CELSR1: variants seen among roughly 807,000 people sequenced by gnomAD.
CELSR1 encodes the protein adhesion G protein-coupled receptor C1.
Under a neutral mutation model 249.1 loss-of-function variants are expected in CELSR1, and 110 were observed. The observed-to-expected ratio is 0.44, with a 90% CI of 0.38 to 0.52. The LOEUF is 0.52. Among genes scored for constraint, CELSR1 ranks in the 20% least tolerant of loss-of-function variants. The pLI, the probability that CELSR1 is intolerant of heterozygous loss-of-function variation, is 0.00. For missense variants in CELSR1, 4,109 were observed against 4,296.4 expected (o/e 0.96, Z 1.22); for synonymous variants, 2,113 against 1,900.0 (o/e 1.11, Z -2.92).
chr22:46,450,736 G>A (rs1007941446), intron 2 of CELSR1, among the ~76,000 whole-genome samples: 1 of 152,152 alleles, frequency 6.6e-6, no homozygotes, highest in Non-Finnish European at 1.5e-5. Flanking sequence ...GATTGCAGGG[G>A]CCTCAGCACC....
intron 19 of CELSR1, among the ~76,000 whole-genome samples, chr22:46,385,714 C>G (rs1418820741): frequency 0.091 from 13,155 of 145,320 alleles, 821 homozygotes; most frequent in African/African-American, 0.17. Context: ...GTCTGGCTCT[C>G]TCGCCCAGGC....
intron 2 of CELSR1, among the ~76,000 whole-genome samples, chr22:46,461,795 C>T (rs767819757): frequency 2.4e-4 from 36 of 152,246 alleles, no homozygotes; most frequent in Non-Finnish European, 4.4e-4. Context: ...ACGGCTTCTT[C>T]ATCTGAAGCA....
At chr22:46,451,318 C>T (rs1442892964) in intron 2 of CELSR1, among the ~76,000 whole-genome samples, 1 of 152,212 alleles carries the variant, frequency 6.6e-6, no homozygotes, top group African/African-American at 2.4e-5. Flanking sequence ...GCAGAAGCCG[C>T]TTGTCCAGGG....
At chr22:46,470,970 C>G (rs932692812) in intron 1 of CELSR1, among the ~76,000 whole-genome samples, 2 of 152,044 alleles carry the variant, frequency 1.3e-5, no homozygotes, top group Admixed American at 1.3e-4. Flanking sequence ...ACTAAAAATA[C>G]AAAGATTAGC....
Position 46,409,410 on chromosome 22 carries a change from A to G in CELSR1, c.5060-248T>C, listed in dbSNP as rs2079304964. On this transcript the variant is annotated intron_variant, in intron 8 of 34. Transcript: ENST00000674500. This position sits in a 1 kb window ranked among gnomAD's most constrained non-coding sequence, Gnocchi z 9.8. The stretch of plus-strand genomic sequence containing the variant: ...CATGAAGATCTGCAGGCTCCCAGCC[A>G]CAGATGGGCGTGGTAAGGGGCTCTC... Among the ~76,000 whole-genome samples, 1 of 152,158 alleles carries G rather than the reference A, an allele frequency of 6.6e-6. No homozygotes were observed. The highest frequency in any genetic ancestry group is 2.4e-5 in the African/African-American group (1 of 41,450).
chr22:46,481,238 G>A (rs2080262916), intron 1 of CELSR1: 1 of 294,536 alleles, frequency 3.4e-6, no homozygotes, highest in Admixed American at 5.5e-5. Context: ...ACAAGACCAT[G>A]TCTCAAAAAA....
At chr22:46,460,111 G>C (rs958187952) in intron 2 of CELSR1, among the ~76,000 whole-genome samples, 4 of 152,070 alleles carry the variant, frequency 2.6e-5, no homozygotes, top group Non-Finnish European at 4.4e-5. Flanking sequence ...AGGAGGCAGA[G>C]GTTGCGGTGA....
rs1003321665 is a variant in CELSR1 at position 46,484,514 on chromosome 22, A to G, written c.3545-20169T>C. ...GAAATGCAAATACCAGGGAGAGGCT[A>G]TATTAAGCCACTGACCCCTGATAGG... On this transcript the variant is annotated intron_variant, in intron 1 of 34. Transcript: ENST00000674500. The surrounding 1 kb of genome is among the most constrained non-coding windows in gnomAD (Gnocchi z 4.5). 1.3e-5 allele frequency among the ~76,000 whole-genome samples: 2 copies of G among 151,400 alleles called. No individual in the cohort carries two copies. Among genetic ancestry groups the G allele is most frequent in the African/African-American group, 2.4e-5 (1 of 41,246 alleles).
Position 46,479,902 on chromosome 22 carries a change from C to T in CELSR1, c.3545-15557G>A, listed in dbSNP as rs537973415. 2.6e-5 allele frequency among the ~76,000 whole-genome samples: 4 copies of T among 152,334 alleles called. No individual in the cohort carries two copies. In the South Asian group the frequency reaches 8.3e-4, roughly 32 times the overall value. ...AGCTCATCCTAGCCCAAGTTGCTTC[C>T]TTTTCCTCCCTTGAATTTCCTGTTG... On this transcript the variant is annotated intron_variant, in intron 1 of 34. Transcript: ENST00000674500.
chr22:46,478,676 G>T (rs2080235144), intron 1 of CELSR1, among the ~76,000 whole-genome samples: 1 of 151,684 alleles, frequency 6.6e-6, no homozygotes, highest in Non-Finnish European at 1.5e-5. Context: ...CCAAGTAGCT[G>T]GGATTACAGG....
At chr22:46,452,605 C>T (rs2079899195) in intron 2 of CELSR1, among the ~76,000 whole-genome samples, 1 of 152,218 alleles carries the variant, frequency 6.6e-6, no homozygotes, top group Non-Finnish European at 1.5e-5. Flanking sequence ...CCCTGCAGGG[C>T]GTTTCCAACC....
chr22:46,384,652 A>G lies in CELSR1; in HGVS notation c.6774T>C (p.Phe2258=), dbSNP rs1456063681. The change falls in exon 20 of 35, where the codon TTT becomes TTC. Residue 2258 remains phenylalanine, a synonymous_variant. Transcript: ENST00000674500. ...LAVDIFDKFN[F]TGARVPRFDT... is the part of the protein sequence containing the mutation. The stretch of plus-strand genomic sequence containing the variant: ...CGAATCGCGGGACCCTGGCTCCCGT[A>G]AAGTTGAACTTGTCAAAGATGTCGA... 1.9e-6 allele frequency: 3 copies of G among 1,613,496 alleles called. No individual in the cohort carries two copies. The highest frequency in any genetic ancestry group is 2.2e-5 in the East Asian group (1 of 44,874).
At chr22:46,499,387 C>T (rs949698044) in intron 1 of CELSR1, among the ~76,000 whole-genome samples, 2 of 152,110 alleles carry the variant, frequency 1.3e-5, no homozygotes, top group African/African-American at 4.8e-5. Context: ...TCACAGGCTA[C>T]TTAGTACCCA....
At chr22:46,377,783 AG>A (rs2078935020) in intron 23 of CELSR1, among the ~76,000 whole-genome samples, 1 of 152,214 alleles carries the variant, frequency 6.6e-6, no homozygotes, top group Non-Finnish European at 1.5e-5. Flanking sequence ...ATTGCACAAG[AG>A]GCCGCTGCCC....
intron 27 of CELSR1, 94 bp from the exon 28 acceptor site, chr22:46,367,949 C>T (rs12169526): frequency 0.083 from 120,749 of 1,459,382 alleles, 5,397 homozygotes; most frequent in African/African-American, 0.12. Flanking sequence ...CCTGCCTGCC[C>T]GTCCGCCCAT....
rs2079118091 is a variant in CELSR1 at position 46,393,700 on chromosome 22, T to C, written c.5964+442A>G. Among the ~76,000 whole-genome samples, 1 of 148,012 alleles carries C rather than the reference T, an allele frequency of 6.8e-6. No homozygotes were observed. The highest frequency in any genetic ancestry group is 2.0e-4 in the East Asian group (1 of 5,068). ...CTGCAGTGAGCCGAGATCGCACCACTGCACTCCAGCCTGGGCGACACAGCG... is the reference window on the plus strand; with the variant it reads ...CTGCAGTGAGCCGAGATCGCACCACCGCACTCCAGCCTGGGCGACACAGCG... On this transcript the variant is annotated intron_variant, in intron 14 of 34. Coordinates refer to ENST00000674500, the MANE Select transcript of CELSR1 (RefSeq NM_001378328.1). The surrounding 1 kb of genome is among the most constrained non-coding windows in gnomAD (Gnocchi z 4.1).
At chr22:46,418,792 TAAAG>T (rs1040685611) in intron 5 of CELSR1, among the ~76,000 whole-genome samples, 4 of 152,346 alleles carry the variant, frequency 2.6e-5, no homozygotes, top group Non-Finnish European at 4.4e-5. Context: ...TAGAGATTCT[TAAAG>T]AAATCACACA....
intron 2 of CELSR1, among the ~76,000 whole-genome samples, chr22:46,455,621 G>A (rs754987045): frequency 3.3e-5 from 5 of 152,154 alleles, no homozygotes; most frequent in Non-Finnish European, 5.9e-5. Context: ...GATTTCTGTC[G>A]TCTTCAGCCA....
rs779099521 is a variant in CELSR1 at position 46,394,175 on chromosome 22, G to T, written c.5931C>A (p.Asp1977Glu). Residue 1977 changes from aspartate to glutamate, a missense_variant, in exon 14 of 35, where the codon GAC (aspartate) becomes GAA (glutamate). Asp to Glu is a conservative substitution (Grantham distance 45). Transcript: ENST00000674500. Reference sequence around the variant, plus strand: ...GGCACTGGCCGTTGGTCTTATTACAGTCGGGATCAAAGCCTTTGCTGACGG... The same window carrying T: ...GGCACTGGCCGTTGGTCTTATTACATTCGGGATCAAAGCCTTTGCTGACGG... Reference protein sequence around the residue: ...HCAVSKGFDPDCNKTNGQCQC... With the variant: ...HCAVSKGFDPECNKTNGQCQC... 1.5e-5 allele frequency: 25 copies of T among 1,614,020 alleles called. No individual in the cohort carries two copies. Among genetic ancestry groups the T allele is most frequent in the Non-Finnish European group, 2.1e-5 (25 of 1,180,004 alleles).
Sources: gnomAD v4.1 joint callset for allele counts (sites outside exome capture counted in the v4.1 genomes callset) on GRCh38, gnomAD v4.1.1 for gene constraint, Gnocchi (gnomAD v3.1) non-coding constraint, MANE v1.5 for transcripts, NCBI Gene and HGNC (gene_info 2026-07-23, HGNC 2026-07-21) for gene names.